The following PALLD variants were observed in gnomAD, a reference collection of about 807,000 sequenced individuals.
PALLD encodes the protein palladin.
PALLD carries 61 observed loss-of-function variants against 123.5 expected under a neutral mutation model. The observed-to-expected ratio is 0.49, with a 90% CI of 0.40 to 0.61. PALLD has a LOEUF of 0.61. PALLD is among the 20% of genes least tolerant of loss of function. The pLI is 0.00. For synonymous variants in PALLD, 465 were observed against 496.4 expected (o/e 0.94, Z 0.84); for missense variants, 1,273 against 1,377.0 (o/e 0.92, Z 1.20).
chr4:168,556,573 T>A (rs1422844330), intron 2 of PALLD, among the ~76,000 whole-genome samples: 2 of 152,234 alleles, frequency 1.3e-5, no homozygotes, highest in East Asian at 3.8e-4. Context: ...ATCAACCTCT[T>A]GGTAGCCTGC....
chr4:168,563,679 T>C lies in PALLD; in HGVS notation c.908+51267T>C, dbSNP rs116149034. ...AGTGGTAATGTTCCCTATTTATATA[T>C]ATAATGCATTATAAAAAACTTTTGC... On this transcript the variant is annotated intron_variant, in intron 2 of 21. Coordinates refer to ENST00000505667, the MANE Select transcript of PALLD (RefSeq NM_001166108.2). 2.0e-3 allele frequency among the ~76,000 whole-genome samples: 311 copies of C among 152,244 alleles called. 3 individuals are homozygous for C. Among genetic ancestry groups the C allele is most frequent in the African/African-American group, 7.3e-3 (302 of 41,540 alleles).
chr4:168,594,532 T>C (rs992300959), intron 2 of PALLD, among the ~76,000 whole-genome samples: 2 of 152,164 alleles, frequency 1.3e-5, no homozygotes. Flanking sequence ...TAGAGCTTAA[T>C]GAAACCGGTA....
chr4:168,641,717 T>C (rs534047684), intron 2 of PALLD, among the ~76,000 whole-genome samples: 15 of 152,242 alleles, frequency 9.9e-5, no homozygotes, highest in African/African-American at 3.1e-4. Flanking sequence ...CGCTGTAAAA[T>C]GGATCTGAAA....
intron 2 of PALLD, among the ~76,000 whole-genome samples, chr4:168,554,090 C>A (rs6827367): frequency 6.6e-6 from 1 of 151,966 alleles, no homozygotes; most frequent in Admixed American, 6.6e-5. Context: ...TATCACTAAG[C>A]CCTGGTTCAA....
intron 7 of PALLD, 132 bp from the exon 8 acceptor site, chr4:168,691,137 G>A (rs527580030): frequency 1.4e-6 from 1 of 705,048 alleles, no homozygotes; most frequent in East Asian, 2.6e-5. Flanking sequence ...TTGTATGATG[G>A]AGTTTGACTG....
intron 3 of PALLD, 53 bp downstream of exon 3, chr4:168,668,421 A>G (rs1561371825): frequency 7.0e-7 from 1 of 1,431,134 alleles, no homozygotes; most frequent in Non-Finnish European, 9.5e-7. Context: ...TGGTCTAATG[A>G]CTCCAGTATC....
intron 1 of PALLD, among the ~76,000 whole-genome samples, chr4:168,505,344 TA>T (rs1247277490): frequency 1.3e-5 from 2 of 152,252 alleles, no homozygotes; most frequent in African/African-American, 4.8e-5. Context: ...GCAGGTGAGA[TA>T]ATCTGCCTCC....
chr4:168,549,265 CAAA>C lies in PALLD; in HGVS notation c.908+36865_908+36867del, dbSNP rs35293161. On this transcript the variant is annotated intron_variant, in intron 2 of 21. Coordinates refer to ENST00000505667, the MANE Select transcript of PALLD (RefSeq NM_001166108.2). The stretch of plus-strand genomic sequence containing the variant: ...CAATTGATTGCAATGTCACACTTCT[CAAA>C]AAAAAAAAAAATTAGTATTGCAGCG... Among the ~76,000 whole-genome samples, 45 of 145,032 alleles carry C rather than the reference CAAA, an allele frequency of 3.1e-4. No homozygotes were observed. The East Asian group carries it at 5.2e-3, about 17-fold the overall frequency.
intron 10 of PALLD, among the ~76,000 whole-genome samples, chr4:168,836,587 G>T (rs1197669469): frequency 6.6e-6 from 1 of 152,204 alleles, no homozygotes; most frequent in Non-Finnish European, 1.5e-5. Flanking sequence ...TCACAAAATT[G>T]TGTGAGGTAG....
intron 10 of PALLD, among the ~76,000 whole-genome samples, chr4:168,848,426 G>A (rs942484795): frequency 9.7e-4 from 147 of 152,264 alleles, no homozygotes; most frequent in African/African-American, 3.4e-3. Flanking sequence ...CAGAGAGTGT[G>A]CCGAATGCAC....
intron 2 of PALLD, chr4:168,536,718 A>G (rs889462468): frequency 1.6e-4 from 24 of 152,182 alleles, no homozygotes; most frequent in African/African-American, 5.3e-4. Context: ...CCATGATTCA[A>G]TTACCTCCAC....
chr4:168,854,085 A>G (rs1322336651), intron 10 of PALLD, among the ~76,000 whole-genome samples: 4 of 152,212 alleles, frequency 2.6e-5, no homozygotes, highest in Non-Finnish European at 4.4e-5. Flanking sequence ...AGAGGTACGA[A>G]AGATTAAATT....
intron 2 of PALLD, among the ~76,000 whole-genome samples, chr4:168,533,154 A>G (rs546604040): frequency 4.6e-5 from 7 of 152,276 alleles, no homozygotes; most frequent in African/African-American, 1.7e-4. Context: ...GAGGGAGAAG[A>G]CTGGCTTTTT....
intron 2 of PALLD, among the ~76,000 whole-genome samples, chr4:168,572,452 T>G (rs1170376204): frequency 6.6e-6 from 1 of 152,128 alleles, no homozygotes; most frequent in Non-Finnish European, 1.5e-5. Context: ...TTCTAACTGC[T>G]TTTTCACAGC....
At chr4:168,735,157 A>G (rs1335009613) in intron 10 of PALLD, among the ~76,000 whole-genome samples, 1 of 152,144 alleles carries the variant, frequency 6.6e-6, no homozygotes. Flanking sequence ...TCTTACTCCT[A>G]TACAATCAGC....
intron 10 of PALLD, among the ~76,000 whole-genome samples, chr4:168,788,904 T>C (rs746998638): frequency 1.3e-5 from 2 of 152,172 alleles, no homozygotes; most frequent in Non-Finnish European, 2.9e-5. Context: ...ATACATATAC[T>C]ACCACCCAGA....
intron 10 of PALLD, among the ~76,000 whole-genome samples, chr4:168,820,077 A>G (rs1047030311): frequency 3.3e-5 from 5 of 152,254 alleles, no homozygotes; most frequent in Non-Finnish European, 7.3e-5. Context: ...GAAAGACTTA[A>G]GAGTTTGAAG....
At chr4:168,778,645 G>C (rs137974589) in intron 10 of PALLD, among the ~76,000 whole-genome samples, 1 of 152,188 alleles carries the variant, frequency 6.6e-6, no homozygotes, top group African/African-American at 2.4e-5. Context: ...ACCAAGCACC[G>C]TGCTAAATAC....
At chr4:168,815,311 A>G (rs1435863281) in intron 10 of PALLD, among the ~76,000 whole-genome samples, 1 of 152,240 alleles carries the variant, frequency 6.6e-6, no homozygotes, top group Admixed American at 6.5e-5. Flanking sequence ...CACAACTTCC[A>G]TGTGCTCTAA....
Sources: allele counts gnomAD v4.1 joint callset (sites outside exome capture counted in the v4.1 genomes callset), GRCh38; gene constraint gnomAD v4.1.1; transcripts MANE v1.5; gene names NCBI Gene and HGNC (gene_info 2026-07-23, HGNC 2026-07-21).